MID1: variants seen among roughly 807,000 people sequenced by gnomAD.
The protein encoded by MID1 is midline 1.
In MID1, 7 loss-of-function variants were observed where a neutral mutation model predicts 40.4. The observed-to-expected ratio is 0.17, with a 90% confidence interval of 0.10 to 0.33. MID1 has a LOEUF of 0.33. Ranked by LOEUF, MID1 falls within the 10% of genes least tolerant of loss-of-function variation. MID1 has a pLI of 1.00. For missense variants in MID1, 367 were observed against 558.5 expected (o/e 0.66, Z 3.46); for synonymous variants, 229 against 221.2 (o/e 1.04, Z -0.31).
intron 1 of MID1, among the ~76,000 whole-genome samples, chrX:10,821,761 G>A (rs1251769818): frequency 1.8e-5 from 2 of 111,841 alleles, no homozygotes; most frequent in African/African-American, 3.2e-5. Flanking sequence ...TAACTTGCAA[G>A]CATTTCCCCA....
chrX:10,588,544 A>G (rs1328394197), intron 1 of MID1, among the ~76,000 whole-genome samples: 1 of 110,403 alleles, frequency 9.1e-6, no homozygotes, highest in East Asian at 2.8e-4. Flanking sequence ...TTAAAGGAAT[A>G]GGGTATACTG....
chrX:10,533,093 AT>A (rs376228302), intron 2 of MID1, among the ~76,000 whole-genome samples: 3,052 of 109,508 alleles, frequency 0.028, 39 homozygotes, highest in South Asian at 0.053. Context: ...TTTTTAAATA[AT>A]TTTTTTTAAA....
rs758802193 is a variant in MID1, at chrX:10,447,242, G to A, written c.*2126C>T. On this transcript the variant is annotated 3_prime_UTR_variant, in exon 10 of 10. Coordinates refer to ENST00000317552, the MANE Select transcript of MID1 (RefSeq NM_000381.4). ...CCTAAATGGCTTACTGTGAAAATTT[G>A]AGTAGTAACTTCTTAATATTGAAAA... 9.0e-5 allele frequency: 10 copies of A among 111,524 alleles called. No individual in the cohort carries two copies. The highest frequency in any genetic ancestry group is 1.3e-4 in the Non-Finnish European group (7 of 53,121). 9.2% of individuals were successfully genotyped at this position (111,524 alleles called of 1,213,427 possible).
chrX:10,475,096 A>G, intron 5 of MID1: 1 of 341,059 alleles, frequency 2.9e-6, no homozygotes, highest in Non-Finnish European at 5.7e-6. Flanking sequence ...AGAAGCGCGT[A>G]GCTCTAGGCA....
chrX:10,655,331 G>A (rs965635898), intron 1 of MID1, among the ~76,000 whole-genome samples: 1 of 111,413 alleles, frequency 9.0e-6, no homozygotes, highest in Admixed American at 9.5e-5. Context: ...TGCAAGCCAG[G>A]CCAATAAGCT....
At chrX:10,801,254 C>T (rs541645660) in intron 1 of MID1, among the ~76,000 whole-genome samples, 2 of 111,659 alleles carry the variant, frequency 1.8e-5, no homozygotes, top group African/African-American at 6.5e-5. Flanking sequence ...ACGGATTGAC[C>T]TTTGTGTTCA....
intron 2 of MID1, among the ~76,000 whole-genome samples, chrX:10,543,958 A>T (rs901326147): frequency 9.0e-6 from 1 of 111,387 alleles, no homozygotes; most frequent in East Asian, 2.8e-4. Context: ...GTGAGCTGAG[A>T]TCGTGCCACT....
At chrX:10,830,732 C>G (rs970908896) in intron 1 of MID1, among the ~76,000 whole-genome samples, 1 of 112,356 alleles carries the variant, frequency 8.9e-6, no homozygotes, top group Non-Finnish European at 1.9e-5. Context: ...TAAGCAATAA[C>G]CAAATGTTAG....
intron 1 of MID1, among the ~76,000 whole-genome samples, chrX:10,577,656 ATATATATATTTAATATTACATACACGG>A (rs1934908451): frequency 9.2e-6 from 1 of 109,049 alleles, no homozygotes; most frequent in African/African-American, 3.3e-5. Flanking sequence ...GTGTATATAT[ATATATATATTTAATATTACATACACGG>A]TATATATATA....
intron 1 of MID1, among the ~76,000 whole-genome samples, chrX:10,767,312 A>ATTTC (rs199553548): frequency 0.066 from 7,217 of 108,663 alleles, 622 homozygotes; most frequent in East Asian, 0.52. Flanking sequence ...TAGCCTTTTG[A>ATTTC]TTTCTTTCTT....
chrX:10,509,248 TGA>T (rs1329013077), intron 3 of MID1, among the ~76,000 whole-genome samples: 1 of 111,443 alleles, frequency 9.0e-6, no homozygotes, highest in African/African-American at 3.3e-5. Context: ...GGTGAGTTTG[TGA>T]GTGTGTGTGT....
intron 1 of MID1, among the ~76,000 whole-genome samples, chrX:10,799,389 TGAGGGACAACAAATACTTTA>T (rs2043990499): frequency 8.9e-6 from 1 of 112,299 alleles, no homozygotes. Context: ...CAGAATGTAA[TGAGGGACAACAAATACTTTA>T]GAGTTGGAAG....
intron 1 of MID1, among the ~76,000 whole-genome samples, chrX:10,575,623 T>C (rs1191423817): frequency 9.0e-6 from 1 of 111,426 alleles, no homozygotes; most frequent in East Asian, 2.8e-4. Flanking sequence ...GTTACTTTAC[T>C]GATTAGCACT....
intron 1 of MID1, among the ~76,000 whole-genome samples, chrX:10,639,176 A>G (rs1164303638): frequency 8.9e-6 from 1 of 112,355 alleles, no homozygotes; most frequent in African/African-American, 3.2e-5. Context: ...ACGAGTTGAG[A>G]GAAGAAGGCT....
At chrX:10,713,281 A>G (rs2043280953) in intron 1 of MID1, among the ~76,000 whole-genome samples, 1 of 111,021 alleles carries the variant, frequency 9.0e-6, no homozygotes. Flanking sequence ...TTAGCTGAAA[A>G]GTGGTAGAGA....
intron 7 of MID1, among the ~76,000 whole-genome samples, chrX:10,460,961 ATACT>A (rs766132379): frequency 4.5e-5 from 5 of 110,805 alleles, no homozygotes; most frequent in South Asian, 3.8e-4. Context: ...ATCTTACTGA[ATACT>A]TACTTACTCC....
chrX:10,453,726 C>CA (rs1928484044), intron 9 of MID1, among the ~76,000 whole-genome samples: 1 of 112,054 alleles, frequency 8.9e-6, no homozygotes, highest in Admixed American at 9.5e-5. Context: ...ATTTGGCATG[C>CA]AAAACCAGAA....
At chrX:10,783,576 G>A (rs1056710439) in intron 1 of MID1, among the ~76,000 whole-genome samples, 14 of 111,785 alleles carry the variant, frequency 1.3e-4, no homozygotes, top group African/African-American at 3.9e-4. Flanking sequence ...CAACAACCAT[G>A]TAATTGAATT....
At chrX:10,597,651 A>G (rs1227765323) in intron 1 of MID1, among the ~76,000 whole-genome samples, 2 of 112,161 alleles carry the variant, frequency 1.8e-5, no homozygotes, top group Non-Finnish European at 3.8e-5. Flanking sequence ...AGCAATTAGC[A>G]AAAAATGTTT....
Sources: gnomAD v4.1 joint callset for allele counts (sites outside exome capture counted in the v4.1 genomes callset) on GRCh38, gnomAD v4.1.1 for gene constraint, MANE v1.5 for transcripts, NCBI Gene and HGNC (gene_info 2026-07-23, HGNC 2026-07-21) for gene names.